SLC6A11: variants seen among roughly 807,000 people sequenced by gnomAD.
SLC6A11 encodes the protein solute carrier family 6 member 11.
SLC6A11 carries 25 observed loss-of-function variants against 74.8 expected under a neutral mutation model. The ratio of observed to expected loss-of-function variants is 0.33; its 90% CI spans 0.24 to 0.47. The LOEUF is 0.47. Ranked by LOEUF, SLC6A11 falls within the 20% of genes least tolerant of loss-of-function variation. The pLI is 1.00. For synonymous variants in SLC6A11, 330 were observed against 330.2 expected (o/e 1.00, Z 0.01); for missense variants, 574 against 837.0 (o/e 0.69, Z 3.88).
intron 3 of SLC6A11, among the ~76,000 whole-genome samples, chr3:10,821,101 C>A (rs774739392): frequency 2.0e-5 from 3 of 152,110 alleles, no homozygotes; most frequent in Non-Finnish European, 4.4e-5. Flanking sequence ...CTTTAGGGCC[C>A]TAGTTTTTAA....
intron 6 of SLC6A11, among the ~76,000 whole-genome samples, chr3:10,884,473 T>C (rs1309101991): frequency 6.6e-6 from 1 of 152,212 alleles, no homozygotes; most frequent in Admixed American, 6.5e-5. Context: ...CATGAGAATT[T>C]TAAAGCCTGT....
At chr3:10,905,476 C>G (rs549790522) in intron 6 of SLC6A11, among the ~76,000 whole-genome samples, 1 of 152,378 alleles carries the variant, frequency 6.6e-6, no homozygotes, top group Non-Finnish European at 1.5e-5. Context: ...AGCCCCTTCA[C>G]AGGGGCTATG....
Position 10,935,119 on chromosome 3 carries a change from C to T in SLC6A11, c.1666C>T (p.Leu556Phe), listed in dbSNP as rs1450808272. ...YPAWGYGIGWLMALSSMLCIP... is the reference protein window; with the variant it reads ...YPAWGYGIGWFMALSSMLCIP... ...AGCCTGGGGCTATGGCATTGGCTGG[C>T]TCATGGCCCTGTCCTCCATGCTCTG... The change falls in exon 13 of 14, where the codon CTC becomes TTC. Residue 556 changes from leucine (L) to phenylalanine (F), a missense_variant. This residue lies in a region of SLC6A11 where 257 missense variants were observed against 341.5 expected (regional missense o/e 0.75). Coordinates refer to ENST00000254488, the MANE Select transcript of SLC6A11 (RefSeq NM_014229.3). 1 of 1,613,962 alleles carries T rather than the reference C, an allele frequency of 6.2e-7. No homozygotes were observed. The highest frequency in any genetic ancestry group is 8.5e-7 in the Non-Finnish European group (1 of 1,179,906).
rs1695782819 is a variant in SLC6A11, at chr3:10,938,348, A to G, written c.1845A>G (p.Lys615=). Residue 615 remains lysine, a synonymous_variant, in exon 14 of 14, where the codon AAA becomes AAG. Transcript: ENST00000254488. ...TGACAGTTAATGACTGTGATGCCAA[A>G]CTCAAGAGTGACGGGACCATCGCAG... ...RMVTVNDCDA[K]LKSDGTIAAI... 6.2e-7 allele frequency: 1 copy of G among 1,612,544 alleles called. No individual in the cohort carries two copies. The highest frequency in any genetic ancestry group is 1.3e-5 in the African/African-American group (1 of 74,990).
chr3:10,906,425 A>G (rs1355226371), intron 6 of SLC6A11, among the ~76,000 whole-genome samples: 2 of 152,248 alleles, frequency 1.3e-5, no homozygotes, highest in Non-Finnish European at 2.9e-5. Flanking sequence ...GCATGATGTC[A>G]GTTCTGTAGG....
At position 10,912,228 on chromosome 3, in the gene SLC6A11, C is replaced by A. The variant is rs776789130; in HGVS notation, c.995+35C>A. The A allele has an allele frequency of 4.2e-6, 6 of 1,413,740 alleles. No individual in the cohort carries two copies. The South Asian group carries it at 4.6e-5, about 11-fold the overall frequency. 87.6% of individuals were successfully genotyped at this position (1,413,740 alleles called of 1,614,324 possible). On this transcript the variant is annotated intron_variant, in intron 7 of 13. Transcript: ENST00000254488. ...TCCCTGGGCCCTGCCAGCTCTCCACCAAACCCTGAGAGCCCTCTAACCTGC... is the reference window on the plus strand; with the variant it reads ...TCCCTGGGCCCTGCCAGCTCTCCACAAAACCCTGAGAGCCCTCTAACCTGC...
intron 6 of SLC6A11, among the ~76,000 whole-genome samples, chr3:10,886,970 A>G (rs1380855929): frequency 6.6e-6 from 1 of 152,216 alleles, no homozygotes; most frequent in Non-Finnish European, 1.5e-5. Flanking sequence ...ATGTGAGCAA[A>G]GAATTTGTCT....
Position 10,926,854 on chromosome 3 carries a change from C to T in SLC6A11, c.1233+738C>T, listed in dbSNP as rs568297345. On this transcript the variant is annotated intron_variant, in intron 9 of 13. Coordinates refer to ENST00000254488, the MANE Select transcript of SLC6A11 (RefSeq NM_014229.3). The surrounding 1 kb of genome is among the most constrained non-coding windows in gnomAD (Gnocchi z 5.7). ...CATTCCCCCAACAGTCCCTGAAACC[C>T]ACCCTTTGCCTGCTGGTCCTCACAG... Among the ~76,000 whole-genome samples the T allele has an allele frequency of 6.6e-6, 1 of 152,344 alleles. No individual in the cohort carries two copies. Among genetic ancestry groups the T allele is most frequent in the African/African-American group, 2.4e-5 (1 of 41,584 alleles).
intron 6 of SLC6A11, among the ~76,000 whole-genome samples, chr3:10,883,369 C>T (rs887894579): frequency 5.3e-5 from 8 of 152,048 alleles, no homozygotes; most frequent in Non-Finnish European, 1.0e-4. Context: ...CCCAGATTCC[C>T]GCTCCTCTCA....
At chr3:10,890,533 T>A (rs1462753177) in intron 6 of SLC6A11, among the ~76,000 whole-genome samples, 4 of 152,266 alleles carry the variant, frequency 2.6e-5, no homozygotes, top group Non-Finnish European at 5.9e-5. Flanking sequence ...ACTCAGTCAG[T>A]GTGGCTGTTA....
chr3:10,876,751 G>A (rs907375186), intron 6 of SLC6A11, among the ~76,000 whole-genome samples: 1 of 25,638 alleles, frequency 3.9e-5, no homozygotes, highest in Non-Finnish European at 7.3e-5. Context: ...CCCCCCCCCC[G>A]CCCCACCTCC....
intron 5 of SLC6A11, 56 bp from the exon 6 acceptor site, chr3:10,874,905 A>G (rs1694889188): frequency 3.3e-6 from 5 of 1,530,004 alleles, no homozygotes; most frequent in Non-Finnish European, 4.4e-6. Context: ...TGCTGAGTGA[A>G]GTAACCCCAT....
chr3:10,879,521 TA>T (rs1360847699), intron 6 of SLC6A11, among the ~76,000 whole-genome samples: 6 of 152,146 alleles, frequency 3.9e-5, no homozygotes, highest in Non-Finnish European at 8.8e-5. Context: ...TCCTAGCCTC[TA>T]GGGGGCCATG....
At chr3:10,818,213 C>T (rs750084033) in intron 1 of SLC6A11, among the ~76,000 whole-genome samples, 1 of 151,426 alleles carries the variant, frequency 6.6e-6, no homozygotes, top group African/African-American at 2.4e-5. Context: ...GGGTTAGTAG[C>T]TTTGTGAATA....
Position 10,935,279 on chromosome 3 carries a change from C to T in SLC6A11, c.1746+80C>T, listed in dbSNP as rs78620123. On this transcript the variant is annotated intron_variant, in intron 13 of 13. Transcript: ENST00000254488. ...CCAGTTTCCTCATCTGCATGGTGCGCGATGACGGCCTGCGCCCACCTGCCT... is the reference window on the plus strand; with the variant it reads ...CCAGTTTCCTCATCTGCATGGTGCGTGATGACGGCCTGCGCCCACCTGCCT... 1.9e-4 allele frequency: 245 copies of T among 1,313,934 alleles called. No homozygotes were observed. In the African/African-American group the frequency reaches 3.0e-3, roughly 16 times the overall value. The allele number at this position is 1,313,934 out of a possible 1,614,324, so 81.4% of individuals were successfully genotyped here. A position where few individuals can be genotyped will look rare whatever the true frequency, so the allele number is the denominator to read the frequency against.
rs902927987 is a variant in SLC6A11 at position 10,933,241 on chromosome 3, G to A, written c.1462G>A (p.Gly488Ser). 52 of 1,613,140 alleles carry A rather than the reference G, an allele frequency of 3.2e-5. No individual in the cohort carries two copies. Among genetic ancestry groups the A allele is most frequent in the Non-Finnish European group, 4.2e-5 (50 of 1,179,278 alleles). The change falls in exon 11 of 14, where the codon GGC (glycine) becomes AGC (serine). Residue 488 changes from glycine to serine, a missense_variant. By Grantham distance (56) the Gly-to-Ser change is moderately conservative. Transcript: ENST00000254488. ...GGCCATCTTTGAGTGCATCTGCATC[G>A]GCTGGGTGTATGGTGAGTAGCAGCC... ...FVAIFECICI[G>S]WVYGSNRFYD...
rs544101162 is a variant in SLC6A11, at chr3:10,839,948, C to G, written c.624-4266C>G. ...GCAGTCCTCTTGTGCCTCTGCTGCT[C>G]TCCAGTCACCCATTCCTCTCCAGGA... On this transcript the variant is annotated intron_variant, in intron 4 of 13. Transcript: ENST00000254488. Among the ~76,000 whole-genome samples the G allele has an allele frequency of 6.6e-5, 10 of 152,284 alleles. No individual in the cohort carries two copies. In the East Asian group the frequency reaches 1.6e-3, roughly 24 times the overall value.
At chr3:10,933,049 C>A in intron 10 of SLC6A11, 102 bp from the exon 11 acceptor site, 1 of 789,392 alleles carries the variant, frequency 1.3e-6, no homozygotes, top group Non-Finnish European at 2.2e-6. Context: ...GCAGTGGTAG[C>A]CACAGAGCAG....
intron 6 of SLC6A11, among the ~76,000 whole-genome samples, chr3:10,881,422 A>T (rs1303452316): frequency 3.9e-5 from 6 of 152,192 alleles, no homozygotes; most frequent in Admixed American, 3.9e-4. Flanking sequence ...TCTCAAAAAT[A>T]AATAAGTAAG....
Sources: allele counts gnomAD v4.1 joint callset (sites outside exome capture counted in the v4.1 genomes callset), GRCh38; gene constraint gnomAD v4.1.1; regional missense constraint gnomAD v4.1.1; non-coding constraint Gnocchi (gnomAD v3.1); transcripts MANE v1.5; gene names NCBI Gene and HGNC (gene_info 2026-07-23, HGNC 2026-07-21).